TAMM41: variants seen among roughly 807,000 people sequenced by gnomAD.
The protein encoded by TAMM41 is TAM41 mitochondrial translocator assembly and maintenance homolog.
TAMM41 carries 36 observed loss-of-function variants against 44.1 expected under a neutral mutation model. The ratio of observed to expected loss-of-function variants is 0.82; its 90% CI spans 0.63 to 1.08. TAMM41 has a LOEUF of 1.08. Ranked by LOEUF, TAMM41 falls within the 50% of genes least tolerant of loss-of-function variation. The pLI, the probability that TAMM41 is intolerant of heterozygous loss-of-function variation, is 0.00. For synonymous variants in TAMM41, 164 were observed against 153.1 expected, an observed-to-expected ratio of 1.07 and a Z score of -0.53; for missense variants, 417 against 404.3, an observed-to-expected ratio of 1.03 and a Z score of -0.27.
At chr3:11,722,830 G>A in the TAMM41 span, among the ~76,000 whole-genome samples, 4 of 152,312 alleles carry the variant, frequency 2.6e-5, no homozygotes, top group South Asian at 8.3e-4. Flanking sequence ...TTAGCCAGAT[G>A]TGGTGGCACG....
chr3:11,811,927 T>C (rs894646635), intron 5 of TAMM41, among the ~76,000 whole-genome samples: 2 of 152,130 alleles, frequency 1.3e-5, no homozygotes, highest in African/African-American at 4.8e-5. Flanking sequence ...AAAGCTAATA[T>C]TTTGTTATTA....
In TAMM41 at chr3:11,839,322, A is replaced by C. The variant is rs2079329363; in HGVS notation, c.319-8T>G. 1 of 1,584,456 alleles carries C rather than the reference A, an allele frequency of 6.3e-7. No individual in the cohort carries two copies. On this transcript the variant is annotated splice_polypyrimidine_tract_variant and splice_region_variant and intron_variant, in intron 2 of 7. Transcript: ENST00000455809. Reference sequence around the variant, plus strand: ...AACTCCATATTTGATAAGCTGAAGGAAAAAAGAAATGGCACAAAACGGAGT... The same window carrying C: ...AACTCCATATTTGATAAGCTGAAGGCAAAAAGAAATGGCACAAAACGGAGT...
chr3:11,818,932 G>A (rs930376917), intron 4 of TAMM41, among the ~76,000 whole-genome samples: 2 of 151,778 alleles, frequency 1.3e-5, no homozygotes, highest in Admixed American at 6.6e-5. Flanking sequence ...AAGAGCCTCT[G>A]GAACCCGATC....
chr3:11,771,194 G>C, the TAMM41 span: 1 of 152,338 alleles, frequency 6.6e-6, no homozygotes, highest in Admixed American at 6.5e-5. Flanking sequence ...AAACACAAAA[G>C]GTGCCTCCTT....
chr3:11,730,332 A>G, the TAMM41 span, among the ~76,000 whole-genome samples: 7 of 151,762 alleles, frequency 4.6e-5, no homozygotes, highest in Non-Finnish European at 8.8e-5. Context: ...GAGGCAGAGA[A>G]TAGCTTGAAC....
chr3:11,763,945 A>C, the TAMM41 span, among the ~76,000 whole-genome samples: 4 of 152,192 alleles, frequency 2.6e-5, no homozygotes, highest in East Asian at 7.7e-4. Context: ...TAATATATAA[A>C]GCATTCGCAG....
chr3:11,760,047 C>A, the TAMM41 span, among the ~76,000 whole-genome samples: 2 of 152,186 alleles, frequency 1.3e-5, no homozygotes, highest in Admixed American at 1.3e-4. Flanking sequence ...AGTGGACAGA[C>A]CTAATAATAA....
the TAMM41 span, among the ~76,000 whole-genome samples, chr3:11,749,883 G>A: frequency 6.7e-6 from 1 of 148,532 alleles, no homozygotes; most frequent in Non-Finnish European, 1.5e-5. Context: ...TTCATGGAGT[G>A]TCAATTTCTT....
chr3:11,826,291 G>A (rs754505189), intron 4 of TAMM41, among the ~76,000 whole-genome samples: 1 of 152,112 alleles, frequency 6.6e-6, no homozygotes, highest in South Asian at 2.1e-4. Flanking sequence ...CCCAGCACTC[G>A]GGGAGGCCGA....
chr3:11,730,467 G>A, the TAMM41 span, among the ~76,000 whole-genome samples: 380 of 151,058 alleles, frequency 2.5e-3, 2 homozygotes, highest in Non-Finnish European at 3.7e-3. Flanking sequence ...GGGCGCGGTG[G>A]CTCACGCCTG....
At chr3:11,822,983 A>G (rs764495143) in intron 4 of TAMM41, among the ~76,000 whole-genome samples, 2 of 152,202 alleles carry the variant, frequency 1.3e-5, no homozygotes, top group East Asian at 3.9e-4. Context: ...GTACCACTTT[A>G]CAATCTAATC....
chr3:11,798,102 A>T (rs2077654398), intron 7 of TAMM41, among the ~76,000 whole-genome samples: 1 of 152,144 alleles, frequency 6.6e-6, no homozygotes, highest in Non-Finnish European at 1.5e-5. Flanking sequence ...TTCCTCAAAA[A>T]CCTAAAAAGA....
chr3:11,772,548 G>C, the TAMM41 span, among the ~76,000 whole-genome samples: 1 of 152,084 alleles, frequency 6.6e-6, no homozygotes, highest in Non-Finnish European at 1.5e-5. Flanking sequence ...TAATGGCTGA[G>C]TATATCCATG....
At chr3:11,729,901 C>T in the TAMM41 span, among the ~76,000 whole-genome samples, 19 of 152,200 alleles carry the variant, frequency 1.2e-4, no homozygotes, top group East Asian at 1.2e-3. Context: ...TCATTTAATG[C>T]AGTGTGATCC....
the TAMM41 span, among the ~76,000 whole-genome samples, chr3:11,727,041 A>C: frequency 6.6e-6 from 1 of 152,152 alleles, no homozygotes; most frequent in Non-Finnish European, 1.5e-5. Flanking sequence ...AATAATAATA[A>C]TAACTAATGT....
chr3:11,844,241 A>G, intron 1 of TAMM41, 30 bp from the exon 2 acceptor site: 1 of 1,603,468 alleles, frequency 6.2e-7, no homozygotes, highest in Non-Finnish European at 8.5e-7. Context: ...GAATAATTTC[A>G]GTATTAATTC....
chr3:11,771,015 C>T, the TAMM41 span, among the ~76,000 whole-genome samples: 4 of 152,138 alleles, frequency 2.6e-5, no homozygotes, highest in African/African-American at 9.6e-5. Flanking sequence ...GGCAGCTGGT[C>T]CACCCTTCTC....
the TAMM41 span, among the ~76,000 whole-genome samples, chr3:11,740,105 C>T: frequency 6.6e-6 from 1 of 152,044 alleles, no homozygotes; most frequent in South Asian, 2.1e-4. Context: ...AAAAAACACC[C>T]CAGATCTTTT....
the TAMM41 span, among the ~76,000 whole-genome samples, chr3:11,732,989 G>GTTTTTTT: frequency 1.6e-5 from 2 of 128,480 alleles, no homozygotes; most frequent in African/African-American, 5.9e-5. Flanking sequence ...TATGATTTGA[G>GTTTTTTT]TTTTTTTTTT....
Sources: gnomAD v4.1 joint callset for allele counts (sites outside exome capture counted in the v4.1 genomes callset) on GRCh38, gnomAD v4.1.1 for gene constraint, MANE v1.5 for transcripts, NCBI Gene and HGNC (gene_info 2026-07-23, HGNC 2026-07-21) for gene names.